The following DPYD variants were observed in gnomAD, a reference collection of about 807,000 sequenced individuals.
The protein encoded by DPYD is dihydropyrimidine dehydrogenase [NADP(+)].
DPYD carries 109 observed loss-of-function variants against 116.2 expected under a neutral mutation model. The observed-to-expected ratio is 0.94, with a 90% CI of 0.80 to 1.10. The LOEUF (loss-of-function observed/expected upper bound fraction) is 1.10, where lower values mean the gene tolerates loss of function less well. Among genes scored for constraint, DPYD ranks in the 50% least tolerant of loss-of-function variants. The pLI is 0.00. For missense variants in DPYD, 1,302 were observed against 1,254.5 expected (o/e 1.04, Z -0.57); for synonymous variants, 440 against 432.0 (o/e 1.02, Z -0.23).
chr1:97,708,270 T>A (rs769427927), intron 5 of DPYD, among the ~76,000 whole-genome samples: 1 of 152,140 alleles, frequency 6.6e-6, no homozygotes, highest in African/African-American at 2.4e-5. Context: ...CTTCAAAGAG[T>A]TCTGTAGTTT....
intron 4 of DPYD, among the ~76,000 whole-genome samples, chr1:97,737,239 A>G (rs1328707418): frequency 6.6e-6 from 1 of 152,142 alleles, no homozygotes; most frequent in African/African-American, 2.4e-5. Context: ...AGATAAGTCA[A>G]TACTCTTTAA....
At chr1:97,886,766 CAATT>C (rs1672511888) in intron 1 of DPYD, among the ~76,000 whole-genome samples, 1 of 151,850 alleles carries the variant, frequency 6.6e-6, no homozygotes, top group African/African-American at 2.4e-5. Flanking sequence ...TCATGTCAAA[CAATT>C]AAGAAGAGGG....
chr1:97,642,220 T>C (rs1657951759), intron 8 of DPYD, among the ~76,000 whole-genome samples: 1 of 151,064 alleles, frequency 6.6e-6, no homozygotes, highest in Non-Finnish European at 1.5e-5. Flanking sequence ...TACCATTGAC[T>C]TTCTTCATAG....
chr1:97,482,516 A>G (rs1217000083), intron 13 of DPYD, among the ~76,000 whole-genome samples: 1 of 152,196 alleles, frequency 6.6e-6, no homozygotes, highest in Non-Finnish European at 1.5e-5. Context: ...TTTTTCTTCA[A>G]GTAAGGGCTG....
chr1:97,497,768 T>C (rs1368455907), intron 13 of DPYD, among the ~76,000 whole-genome samples: 3 of 151,748 alleles, frequency 2.0e-5, no homozygotes, highest in Non-Finnish European at 4.4e-5. Flanking sequence ...GAAAACAGTT[T>C]AGCAATTCCC....
chr1:97,795,897 T>C (rs1249820292), intron 3 of DPYD, among the ~76,000 whole-genome samples: 1 of 152,016 alleles, frequency 6.6e-6, no homozygotes, highest in African/African-American at 2.4e-5. Flanking sequence ...AAAAGTGTTC[T>C]TCCCTGTGTT....
chr1:97,135,344 T>C (rs1014215348), intron 20 of DPYD, among the ~76,000 whole-genome samples: 76 of 152,310 alleles, frequency 5.0e-4, no homozygotes, highest in African/African-American at 1.7e-3. Context: ...CAAAGTGTTG[T>C]CTCTTAAGAC....
intron 8 of DPYD, among the ~76,000 whole-genome samples, chr1:97,614,881 C>T (rs1222505048): frequency 2.0e-5 from 3 of 152,038 alleles, no homozygotes; most frequent in African/African-American, 7.2e-5. Context: ...GCTTACAGAT[C>T]TTCTAATTCA....
intron 19 of DPYD, among the ~76,000 whole-genome samples, chr1:97,199,102 T>C (rs1309373940): frequency 1.3e-5 from 2 of 152,204 alleles, no homozygotes; most frequent in African/African-American, 4.8e-5. Context: ...TTATTTCTCA[T>C]AAAATGAGAT....
chr1:97,184,887 C>T (rs1657888834), intron 20 of DPYD, among the ~76,000 whole-genome samples: 1 of 151,976 alleles, frequency 6.6e-6, no homozygotes, highest in Non-Finnish European at 1.5e-5. Flanking sequence ...TTTTTATGAC[C>T]TTATTGCGCT....
intron 19 of DPYD, among the ~76,000 whole-genome samples, chr1:97,220,577 T>C (rs1156444286): frequency 1.3e-5 from 2 of 152,168 alleles, no homozygotes; most frequent in South Asian, 4.1e-4. Context: ...GCCTGGGATA[T>C]AGTGGGGCTC....
chr1:97,772,183 A>T (rs1298992066), intron 3 of DPYD, among the ~76,000 whole-genome samples: 1 of 152,178 alleles, frequency 6.6e-6, no homozygotes, highest in Non-Finnish European at 1.5e-5. Context: ...AGAAAATAAG[A>T]CAAGACTCTC....
At chr1:97,581,997 T>C (rs1653717761) in intron 10 of DPYD, among the ~76,000 whole-genome samples, 2 of 152,278 alleles carry the variant, frequency 1.3e-5, no homozygotes, top group South Asian at 2.1e-4. Context: ...AACAAACTAT[T>C]GTCATTTATA....
chr1:97,597,378 T>C (rs1654954985), intron 8 of DPYD, among the ~76,000 whole-genome samples: 1 of 152,134 alleles, frequency 6.6e-6, no homozygotes, highest in Non-Finnish European at 1.5e-5. Flanking sequence ...CTAATCATAG[T>C]GCTGTGGGAT....
In DPYD at chr1:97,229,546, G is replaced by GTATATA. The variant is rs55638142; in HGVS notation, c.2442+5300_2442+5305dup. 6.2e-3 allele frequency among the ~76,000 whole-genome samples: 362 copies of GTATATA among 58,012 alleles called. 21 individuals carry two copies. Among genetic ancestry groups the GTATATA allele is most frequent in the Non-Finnish European group, 9.0e-3 (246 of 27,442 alleles). 38.1% of individuals were successfully genotyped at this position (58,012 alleles called of 152,430 possible). A position where few individuals can be genotyped will look rare whatever the true frequency, so the allele number is the denominator to read the frequency against. ...ATTTCCCACCTTATGACCATCCTAA[G>GTATATA]TATATATATATATATATATATATAT... On this transcript the variant is annotated intron_variant, in intron 19 of 22. Coordinates refer to ENST00000370192, the MANE Select transcript of DPYD (RefSeq NM_000110.4).
In DPYD at chr1:97,078,793, TTGAA is replaced by T. The variant is rs1199655306; in HGVS notation, c.*179_*182del. 39 of 665,320 alleles carry T rather than the reference TTGAA, an allele frequency of 5.9e-5. No individual in the cohort carries two copies. Among genetic ancestry groups the T allele is most frequent in the African/African-American group, 5.6e-4 (31 of 55,204 alleles). The allele number at this position is 665,320 out of a possible 1,614,324, so 41.2% of individuals were successfully genotyped here. ...AATTATTCTATTTTATGACCACTAA[TTGAA>T]TGGTCATTGACATGAGACATTTTTT... is the stretch of plus-strand genomic sequence containing the variant. On this transcript the variant is annotated 3_prime_UTR_variant, in exon 23 of 23. Transcript: ENST00000370192.
At chr1:97,720,503 C>T (rs1571245267) in intron 5 of DPYD, 15 of 1,000,838 alleles carry the variant, frequency 1.5e-5, no homozygotes, top group Non-Finnish European at 1.7e-5. Flanking sequence ...TGCAACAATC[C>T]ACAACCTCGA....
At chr1:97,479,239 C>T (rs1678167071) in intron 13 of DPYD, among the ~76,000 whole-genome samples, 2 of 152,178 alleles carry the variant, frequency 1.3e-5, no homozygotes, top group African/African-American at 4.8e-5. Flanking sequence ...TTTCGAAATG[C>T]CACCTCCACT....
chr1:97,267,576 C>G (rs1043358767), intron 18 of DPYD, among the ~76,000 whole-genome samples: 6 of 152,088 alleles, frequency 3.9e-5, no homozygotes, highest in Admixed American at 3.9e-4. Context: ...AGAGATTGAA[C>G]TGGCAGCCTC....
Sources: gnomAD v4.1 joint callset for allele counts (sites outside exome capture counted in the v4.1 genomes callset) on GRCh38, gnomAD v4.1.1 for gene constraint, MANE v1.5 for transcripts, NCBI Gene and HGNC (gene_info 2026-07-23, HGNC 2026-07-21) for gene names.